Variants in NRG3 observed in about 807,000 individuals in gnomAD.
The protein encoded by NRG3 is neuregulin 3.
In NRG3, 31 loss-of-function variants were observed where a neutral mutation model predicts 66.9. That is an observed-to-expected ratio of 0.46 (90% confidence interval 0.35 to 0.63). NRG3 has a LOEUF of 0.63. NRG3 is among the 20% of genes least tolerant of loss of function. The pLI, the probability that NRG3 is intolerant of heterozygous loss-of-function variation, is 0.00. For missense variants in NRG3, 910 were observed against 878.9 expected, an observed-to-expected ratio of 1.04 and a Z score of -0.45; for synonymous variants, 393 against 359.4, an observed-to-expected ratio of 1.09 and a Z score of -1.06.
rs1302750015 is a variant in NRG3, at chr10:82,332,586, C to A, written c.824-26153C>A. Among the ~76,000 whole-genome samples the A allele has an allele frequency of 2.6e-5, 4 of 152,148 alleles. No homozygotes were observed. The East Asian group carries it at 7.7e-4, about 29-fold the overall frequency. ...ATGGGGGATCCACCACCCTACATGG[C>A]AGCCCTATGGTTAGATTTTGAATGA... On this transcript the variant is annotated intron_variant, in intron 1 of 8. Coordinates refer to ENST00000372141, the MANE Select transcript of NRG3 (RefSeq NM_001010848.4).
At chr10:82,929,812 G>T (rs1409851014) in intron 4 of NRG3, among the ~76,000 whole-genome samples, 1 of 150,288 alleles carries the variant, frequency 6.7e-6, no homozygotes. Flanking sequence ...GGAGGCAGAG[G>T]TTGCAGTGAG....
intron 1 of NRG3, among the ~76,000 whole-genome samples, chr10:82,286,582 T>TTTATTTAC (rs1255792610): frequency 2.0e-5 from 3 of 152,206 alleles, no homozygotes; most frequent in African/African-American, 7.2e-5. Flanking sequence ...TTTATTTATT[T>TTTATTTAC]TTATTTACTT....
intron 2 of NRG3, among the ~76,000 whole-genome samples, chr10:82,430,275 T>G (rs1277170766): frequency 1.3e-5 from 2 of 152,140 alleles, no homozygotes; most frequent in Non-Finnish European, 2.9e-5. Context: ...TGTTTTTTTT[T>G]GAGATGGAGT....
At chr10:82,475,691 T>G (rs923487350) in intron 2 of NRG3, among the ~76,000 whole-genome samples, 1 of 152,072 alleles carries the variant, frequency 6.6e-6, no homozygotes, top group Admixed American at 6.5e-5. Context: ...AACAATTAAC[T>G]GAAAGTGGAT....
At chr10:81,951,723 T>G (rs1195172901) in intron 1 of NRG3, among the ~76,000 whole-genome samples, 1 of 152,190 alleles carries the variant, frequency 6.6e-6, no homozygotes, top group Non-Finnish European at 1.5e-5. Context: ...AAACTTTTTG[T>G]TACAGTTGCT....
intron 2 of NRG3, among the ~76,000 whole-genome samples, chr10:82,524,580 G>C (rs1430786578): frequency 2.0e-5 from 3 of 151,768 alleles, no homozygotes; most frequent in Non-Finnish European, 3.0e-5. Flanking sequence ...ATAATTCTCT[G>C]TTAGATATAT....
At chr10:82,265,496 G>A (rs531104727) in intron 1 of NRG3, among the ~76,000 whole-genome samples, 37 of 152,266 alleles carry the variant, frequency 2.4e-4, no homozygotes, top group African/African-American at 8.7e-4. Context: ...AATATACTAG[G>A]GTAAGAAAGC....
rs771785306 is a variant in NRG3 at position 82,408,771 on chromosome 10, C to T, written c.953+49903C>T. Among the ~76,000 whole-genome samples, 10 of 151,560 alleles carry T rather than the reference C, an allele frequency of 6.6e-5. No individual in the cohort carries two copies. The South Asian group carries it at 1.0e-3, about 16-fold the overall frequency. ...AAGGTAGATACCATGATAATAATAA[C>T]GCAAGAGAGAGGAAGTCACATAGAC... is the stretch of plus-strand genomic sequence containing the variant. On this transcript the variant is annotated intron_variant, in intron 2 of 8. Coordinates refer to ENST00000372141, the MANE Select transcript of NRG3 (RefSeq NM_001010848.4).
chr10:82,492,327 A>G (rs1843224167), intron 2 of NRG3, among the ~76,000 whole-genome samples: 1 of 152,222 alleles, frequency 6.6e-6, no homozygotes, highest in Non-Finnish European at 1.5e-5. Flanking sequence ...AATCTCATGC[A>G]GAACCAAAGT....
chr10:82,409,634 A>T (rs537569994), intron 2 of NRG3, among the ~76,000 whole-genome samples: 9 of 152,148 alleles, frequency 5.9e-5, no homozygotes, highest in Non-Finnish European at 1.0e-4. Context: ...TTTTTGTTCT[A>T]GTAACTCTTG....
chr10:82,551,945 T>C (rs1181231407), intron 2 of NRG3, among the ~76,000 whole-genome samples: 2 of 152,008 alleles, frequency 1.3e-5, no homozygotes, highest in African/African-American at 4.8e-5. Flanking sequence ...CATTCTCTTC[T>C]TTTTTTTAAT....
intron 1 of NRG3, among the ~76,000 whole-genome samples, chr10:81,932,648 C>A (rs1255933760): frequency 2.6e-5 from 4 of 152,066 alleles, no homozygotes; most frequent in Non-Finnish European, 5.9e-5. Flanking sequence ...ATTTCAATTA[C>A]CTTTAAGCAA....
intron 2 of NRG3, among the ~76,000 whole-genome samples, chr10:82,403,097 G>A (rs2087232150): frequency 6.6e-6 from 1 of 152,150 alleles, no homozygotes; most frequent in East Asian, 1.9e-4. Flanking sequence ...ATGCCTTCTT[G>A]TCTGAAACAC....
chr10:82,942,807 A>T (rs1848686552), intron 4 of NRG3, among the ~76,000 whole-genome samples: 1 of 151,986 alleles, frequency 6.6e-6, no homozygotes, highest in South Asian at 2.1e-4. Context: ...GAAATACTAC[A>T]CACTTCCTAT....
At chr10:82,046,129 A>T (rs963387237) in intron 1 of NRG3, among the ~76,000 whole-genome samples, 6 of 146,270 alleles carry the variant, frequency 4.1e-5, no homozygotes, top group African/African-American at 1.5e-4. Context: ...CTTTATGGGG[A>T]TGGCATTGAA....
At chr10:82,732,314 A>C (rs2057951019) in intron 2 of NRG3, among the ~76,000 whole-genome samples, 1 of 152,124 alleles carries the variant, frequency 6.6e-6, no homozygotes, top group African/African-American at 2.4e-5. Flanking sequence ...TTGGAGAATA[A>C]TTTACAAATC....
At chr10:82,781,568 A>G (rs2060119324) in intron 3 of NRG3, among the ~76,000 whole-genome samples, 1 of 152,062 alleles carries the variant, frequency 6.6e-6, no homozygotes, top group Admixed American at 6.6e-5. Context: ...GCTCTCTCAT[A>G]GTGTTTATAA....
chr10:82,231,926 GAA>G (rs1216989635), intron 1 of NRG3, among the ~76,000 whole-genome samples: 1 of 152,126 alleles, frequency 6.6e-6, no homozygotes, highest in Admixed American at 6.5e-5. Context: ...ATATCTTTAA[GAA>G]ACTGCTTTCA....
At chr10:82,715,699 T>A (rs113159001) in intron 2 of NRG3, among the ~76,000 whole-genome samples, 2 of 152,202 alleles carry the variant, frequency 1.3e-5, no homozygotes, top group African/African-American at 4.8e-5. Context: ...AATCTTTGCC[T>A]TGAAGTGATA....
Sources: gnomAD v4.1 joint callset for allele counts (sites outside exome capture counted in the v4.1 genomes callset) on GRCh38, gnomAD v4.1.1 for gene constraint, MANE v1.5 for transcripts, NCBI Gene and HGNC (gene_info 2026-07-23, HGNC 2026-07-21) for gene names.